ADAMTS16: variants seen among roughly 807,000 people sequenced by gnomAD.
ADAMTS16 encodes the protein ADAM metallopeptidase with thrombospondin type 1 motif 16.
Under a neutral mutation model 145.8 loss-of-function variants are expected in ADAMTS16, and 94 were observed. That is an observed-to-expected ratio of 0.64 (90% CI 0.55 to 0.77). ADAMTS16 has a LOEUF of 0.77. Ranked by LOEUF, ADAMTS16 falls within the 30% of genes least tolerant of loss-of-function variation. The probability of loss-of-function intolerance (pLI) is 0.00; values close to 1 mark genes in which losing one functional copy is unlikely to be tolerated. For synonymous variants in ADAMTS16, 659 were observed against 604.3 expected, an observed-to-expected ratio of 1.09 and a Z score of -1.33; for missense variants, 1,585 against 1,591.5, an observed-to-expected ratio of 1.00 and a Z score of 0.07.
At chr5:5,210,803 T>A (rs1736254348) in intron 10 of ADAMTS16, among the ~76,000 whole-genome samples, 1 of 152,234 alleles carries the variant, frequency 6.6e-6, no homozygotes, top group African/African-American at 2.4e-5. Context: ...TATTGTCAAA[T>A]CTTTCCCTAC....
intron 3 of ADAMTS16, among the ~76,000 whole-genome samples, chr5:5,153,299 T>C (rs1435326320): frequency 6.6e-6 from 1 of 152,228 alleles, no homozygotes; most frequent in African/African-American, 2.4e-5. Context: ...TCCATAATTA[T>C]TTATTTACAG....
At chr5:5,227,349 C>T (rs913085695) in intron 11 of ADAMTS16, among the ~76,000 whole-genome samples, 1 of 152,208 alleles carries the variant, frequency 6.6e-6, no homozygotes, top group African/African-American at 2.4e-5. Context: ...CATAAGTCAT[C>T]GTATCTGTCA....
chr5:5,192,321 G>A (rs12520783), intron 8 of ADAMTS16, among the ~76,000 whole-genome samples: 20,914 of 152,140 alleles, frequency 0.14, 1,513 homozygotes, highest in Middle Eastern at 0.21. Flanking sequence ...CCTCTGTCCC[G>A]TGTTTTGAAC....
intron 18 of ADAMTS16, among the ~76,000 whole-genome samples, chr5:5,284,214 T>C (rs1739032385): frequency 6.6e-6 from 1 of 152,212 alleles, no homozygotes; most frequent in African/African-American, 2.4e-5. Context: ...CAAATTAAAC[T>C]AAAGCCATAA....
intron 3 of ADAMTS16, among the ~76,000 whole-genome samples, chr5:5,174,688 G>T (rs1244727847): frequency 6.6e-6 from 1 of 152,066 alleles, no homozygotes; most frequent in Non-Finnish European, 1.5e-5. Context: ...CTGTCTTCAA[G>T]CTCATTAACT....
In ADAMTS16 at chr5:5,319,134, T is replaced by G. The variant is rs772119086; in HGVS notation, c.3671T>G (p.Leu1224Trp). The change falls in exon 23 of 23, where the codon TTG (leucine) becomes TGG (tryptophan). Residue 1224 changes from leucine (L) to tryptophan (W), a missense_variant. Physicochemically the swap from Leu to Trp is moderately conservative, Grantham distance 61. Coordinates refer to ENST00000274181, the MANE Select transcript of ADAMTS16 (RefSeq NM_139056.4). ...TGCAAGACTTGCTCTAAGTCCAACT[T>G]GTGAGTTGGGACCGCTCTCCGTAGC... Reference protein sequence around the residue: ...QCCKTCSKSNL With the variant: ...QCCKTCSKSNW The G allele has an allele frequency of 6.0e-5, 97 of 1,607,252 alleles. No homozygotes were observed. Among genetic ancestry groups the G allele is most frequent in the Non-Finnish European group, 7.7e-5 (91 of 1,176,362 alleles).
intron 3 of ADAMTS16, among the ~76,000 whole-genome samples, chr5:5,180,900 G>A (rs986262328): frequency 3.9e-5 from 6 of 152,094 alleles, no homozygotes; most frequent in South Asian, 4.2e-4. Context: ...TAGGTATTAC[G>A]TAGAAAATAT....
chr5:5,171,486 T>C (rs1364510118), intron 3 of ADAMTS16, among the ~76,000 whole-genome samples: 1 of 152,336 alleles, frequency 6.6e-6, no homozygotes, highest in East Asian at 1.9e-4. Context: ...CATGAAGGAA[T>C]GTTGAATTTT....
At chr5:5,249,716 C>G (rs1284769764) in intron 17 of ADAMTS16, among the ~76,000 whole-genome samples, 1 of 152,202 alleles carries the variant, frequency 6.6e-6, no homozygotes, top group Non-Finnish European at 1.5e-5. Context: ...CATTTGTAGA[C>G]TGCTAAGTAT....
chr5:5,144,894 G>A (rs1481301393), intron 2 of ADAMTS16, among the ~76,000 whole-genome samples: 1 of 152,194 alleles, frequency 6.6e-6, no homozygotes, highest in Non-Finnish European at 1.5e-5. Flanking sequence ...CTGCAGTCAG[G>A]TGCCATCTAA....
chr5:5,142,903 G>A (rs562217587), intron 2 of ADAMTS16, among the ~76,000 whole-genome samples: 64 of 152,070 alleles, frequency 4.2e-4, no homozygotes, highest in African/African-American at 1.4e-3. Flanking sequence ...ATAACACCAC[G>A]CATCTACAAC....
intron 10 of ADAMTS16, among the ~76,000 whole-genome samples, chr5:5,211,309 TAAAGA>T (rs1004359840): frequency 1.3e-5 from 2 of 152,124 alleles, no homozygotes; most frequent in African/African-American, 4.8e-5. Flanking sequence ...TTGGAAAAAG[TAAAGA>T]AATCATTAAA....
intron 21 of ADAMTS16, among the ~76,000 whole-genome samples, chr5:5,313,345 C>T (rs975681055): frequency 3.9e-5 from 6 of 152,306 alleles, no homozygotes; most frequent in South Asian, 2.1e-4. Flanking sequence ...TAAAGATCGC[C>T]CTTCCTATTA....
chr5:5,261,592 T>C (rs1738030912), intron 17 of ADAMTS16, among the ~76,000 whole-genome samples: 2 of 151,728 alleles, frequency 1.3e-5, no homozygotes, highest in African/African-American at 4.8e-5. Flanking sequence ...GTTCCAGCGA[T>C]TCTTCTGCCT....
At chr5:5,295,116 G>A (rs6555344) in intron 18 of ADAMTS16, among the ~76,000 whole-genome samples, 82,143 of 152,010 alleles carry the variant, frequency 0.54, 22,456 homozygotes, top group Non-Finnish European at 0.58. Context: ...TTTTGAGTAG[G>A]GTCTGCCTAT....
At chr5:5,205,024 C>T (rs1312684788) in intron 9 of ADAMTS16, among the ~76,000 whole-genome samples, 1 of 151,830 alleles carries the variant, frequency 6.6e-6, no homozygotes, top group Non-Finnish European at 1.5e-5. Flanking sequence ...GTTTAATGGC[C>T]ACTTGAATAA....
intron 17 of ADAMTS16, among the ~76,000 whole-genome samples, chr5:5,247,479 CATCAAGT>C (rs1026912494): frequency 1.3e-4 from 20 of 152,072 alleles, no homozygotes; most frequent in African/African-American, 4.6e-4. Flanking sequence ...AGGCCCATTT[CATCAAGT>C]GTGCTCAGAG....
intron 17 of ADAMTS16, among the ~76,000 whole-genome samples, chr5:5,259,429 C>T: frequency 6.6e-6 from 1 of 152,352 alleles, no homozygotes; most frequent in South Asian, 2.1e-4. Flanking sequence ...TAAAAAGTAT[C>T]TGAGACAGGT....
intron 17 of ADAMTS16, among the ~76,000 whole-genome samples, chr5:5,248,289 C>G (rs1036434583): frequency 6.6e-6 from 1 of 152,174 alleles, no homozygotes; most frequent in Non-Finnish European, 1.5e-5. Context: ...TTCTTCTAGA[C>G]AGCCTGGCAA....
Sources: gnomAD v4.1 joint callset for allele counts (sites outside exome capture counted in the v4.1 genomes callset) on GRCh38, gnomAD v4.1.1 for gene constraint, MANE v1.5 for transcripts, NCBI Gene and HGNC (gene_info 2026-07-23, HGNC 2026-07-21) for gene names.